The following RERE variants were observed in gnomAD, a reference collection of about 807,000 sequenced individuals.
RERE encodes the protein arginine-glutamic acid dipeptide repeats protein.
A neutral mutation model predicts 146.1 loss-of-function variants in RERE; 40 were observed. The ratio of observed to expected loss-of-function variants is 0.27; its 90% CI spans 0.21 to 0.36. RERE has a LOEUF of 0.36. Among genes scored for constraint, RERE ranks in the 10% least tolerant of loss-of-function variants. RERE has a pLI of 1.00. For missense variants in RERE, 1,933 were observed against 2,138.7 expected (o/e 0.90, Z 1.90); for synonymous variants, 1,003 against 866.0 (o/e 1.16, Z -2.78).
intron 11 of RERE, among the ~76,000 whole-genome samples, chr1:8,455,698 T>C (rs1644446040): frequency 6.6e-6 from 1 of 152,172 alleles, no homozygotes; most frequent in Admixed American, 6.5e-5. Context: ...CCCACTCAAA[T>C]GATATTTTCT....
At chr1:8,497,268 C>G in intron 9 of RERE, 137 bp downstream of exon 9, 3 of 809,202 alleles carry the variant, frequency 3.7e-6, no homozygotes, top group Non-Finnish European at 5.6e-6. Context: ...GTCCCGATTA[C>G]AGAGGGTGTA....
At chr1:8,647,231 G>A (rs1285808657) in intron 2 of RERE, among the ~76,000 whole-genome samples, 1 of 152,150 alleles carries the variant, frequency 6.6e-6, no homozygotes, top group Non-Finnish European at 1.5e-5. Flanking sequence ...CAGCCACATT[G>A]TGTTTCCTCC....
At chr1:8,741,444 C>T (rs186284971) in intron 1 of RERE, among the ~76,000 whole-genome samples, 1 of 152,256 alleles carries the variant, frequency 6.6e-6, no homozygotes, top group Non-Finnish European at 1.5e-5. Flanking sequence ...CCCCATAATC[C>T]TCATAATCCC....
At chr1:8,520,752 TTTAAAAAAAAA>T (rs1174677097) in intron 7 of RERE, among the ~76,000 whole-genome samples, 1 of 14,764 alleles carries the variant, frequency 6.8e-5, no homozygotes, top group East Asian at 0.018. Flanking sequence ...CAAAAAACTT[TTTAAAAAAAAA>T]AAAAAAAAAA....
intron 2 of RERE, among the ~76,000 whole-genome samples, chr1:8,646,630 G>A (rs879110808): frequency 6.6e-6 from 1 of 152,130 alleles, no homozygotes; most frequent in Admixed American, 6.5e-5. Context: ...CACTGTAGGT[G>A]TGATTAGTTA....
At chr1:8,457,174 C>T (rs1333702011) in intron 11 of RERE, among the ~76,000 whole-genome samples, 1 of 152,146 alleles carries the variant, frequency 6.6e-6, no homozygotes, top group East Asian at 1.9e-4. Flanking sequence ...CATGTTCACA[C>T]AGTCAACAAT....
chr1:8,594,666 AAAT>A (rs1172964331), intron 4 of RERE, among the ~76,000 whole-genome samples: 5 of 152,328 alleles, frequency 3.3e-5, no homozygotes, highest in Admixed American at 6.5e-5. Flanking sequence ...ATATATTAAT[AAAT>A]AATAATGTTT....
intron 2 of RERE, among the ~76,000 whole-genome samples, chr1:8,647,259 G>T (rs559952737): frequency 6.6e-6 from 1 of 152,136 alleles, no homozygotes; most frequent in African/African-American, 2.4e-5. Flanking sequence ...GATTAACGTT[G>T]ATTAAATAAC....
At chr1:8,588,196 A>G (rs1232516651) in intron 4 of RERE, among the ~76,000 whole-genome samples, 1 of 152,222 alleles carries the variant, frequency 6.6e-6, no homozygotes, top group Non-Finnish European at 1.5e-5. Context: ...TATTTATTTA[A>G]TAAATGCTGG....
At chr1:8,769,456 A>G (rs535862457) in intron 1 of RERE, among the ~76,000 whole-genome samples, 1 of 152,240 alleles carries the variant, frequency 6.6e-6, no homozygotes, top group South Asian at 2.1e-4. Context: ...AAAACTCCAA[A>G]CCACTATAAA....
chr1:8,666,923 T>TG (rs1317773544), intron 1 of RERE, among the ~76,000 whole-genome samples: 3 of 152,022 alleles, frequency 2.0e-5, no homozygotes, highest in African/African-American at 7.3e-5. Flanking sequence ...CTGCTAAGAG[T>TG]TTATATACTC....
chr1:8,369,432 A>C (rs602008), intron 12 of RERE, among the ~76,000 whole-genome samples: 2 of 149,618 alleles, frequency 1.3e-5, no homozygotes, highest in African/African-American at 4.9e-5. Context: ...AACAGATTTC[A>C]CCATCTGAGT....
At chr1:8,359,634 T>A in intron 19 of RERE, 130 bp downstream of exon 19, 2 of 1,033,198 alleles carry the variant, frequency 1.9e-6, no homozygotes, top group Admixed American at 3.8e-5. Flanking sequence ...AGGGTGTAAA[T>A]AGCACCCAAC....
intron 12 of RERE, among the ~76,000 whole-genome samples, chr1:8,413,387 G>C (rs929068577): frequency 6.6e-6 from 1 of 152,150 alleles, no homozygotes; most frequent in African/African-American, 2.4e-5. Context: ...CTGTTGCCCA[G>C]GCTGGAGCAT....
chr1:8,389,647 T>C (rs1000808873), intron 12 of RERE, among the ~76,000 whole-genome samples: 2 of 152,188 alleles, frequency 1.3e-5, no homozygotes, highest in Non-Finnish European at 2.9e-5. Context: ...AACCCATGCT[T>C]TGCAGTCAAT....
chr1:8,642,829 C>T (rs764019130), intron 2 of RERE, among the ~76,000 whole-genome samples: 1 of 152,186 alleles, frequency 6.6e-6, no homozygotes, highest in Non-Finnish European at 1.5e-5. Context: ...CTCCCATCAA[C>T]TGCTCTGTGC....
At chr1:8,787,186 C>T (rs1377578455) in intron 1 of RERE, among the ~76,000 whole-genome samples, 2 of 152,216 alleles carry the variant, frequency 1.3e-5, no homozygotes, top group African/African-American at 4.8e-5. Context: ...AACCAGCAGG[C>T]TTCCACCTCG....
At chr1:8,539,127 A>G (rs1239104893) in intron 7 of RERE, among the ~76,000 whole-genome samples, 4 of 152,258 alleles carry the variant, frequency 2.6e-5, no homozygotes, top group African/African-American at 9.6e-5. Flanking sequence ...GTGCAACAGG[A>G]AAACTATCAA....
intron 11 of RERE, among the ~76,000 whole-genome samples, chr1:8,440,997 T>A (rs2784740): frequency 0.22 from 27,589 of 127,330 alleles, 3,099 homozygotes; most frequent in Middle Eastern, 0.4. Context: ...CATGCAGGTT[T>A]TTTGTTTTTC....
Sources: gnomAD v4.1 joint callset for allele counts (sites outside exome capture counted in the v4.1 genomes callset) on GRCh38, gnomAD v4.1.1 for gene constraint, MANE v1.5 for transcripts, NCBI Gene and HGNC (gene_info 2026-07-23, HGNC 2026-07-21) for gene names.